The following TCP11 variants were observed in gnomAD, a reference collection of about 807,000 sequenced individuals.
The protein encoded by TCP11 is T-complex protein 11 homolog.
Under a neutral mutation model 45.0 loss-of-function variants are expected in TCP11, and 34 were observed. That is an observed-to-expected ratio of 0.76 (90% CI 0.57 to 1.01). The LOEUF is 1.01. TCP11 is among the 50% of genes least tolerant of loss of function. The pLI is 0.00. For synonymous variants in TCP11, 227 were observed against 227.0 expected, an observed-to-expected ratio of 1.00 and a Z score of 0.00; for missense variants, 523 against 598.1, an observed-to-expected ratio of 0.87 and a Z score of 1.31.
intron 4 of TCP11, chr6:35,128,194 C>G (rs974916848): frequency 6.6e-6 from 1 of 152,208 alleles, no homozygotes; most frequent in Admixed American, 6.5e-5. Context: ...GGAAACATGA[C>G]TGGGAAAGAT....
At chr6:35,123,487 A>C (rs1779500162) in intron 4 of TCP11, among the ~76,000 whole-genome samples, 1 of 151,906 alleles carries the variant, frequency 6.6e-6, no homozygotes, top group African/African-American at 2.4e-5. Flanking sequence ...GCCTTTTATA[A>C]TATTTTTTTT....
intron 4 of TCP11, among the ~76,000 whole-genome samples, chr6:35,128,096 C>A (rs1045064558): frequency 6.6e-6 from 1 of 152,160 alleles, no homozygotes; most frequent in East Asian, 1.9e-4. Context: ...TACTGTGGGT[C>A]AGAAGTACAG....
intron 4 of TCP11, among the ~76,000 whole-genome samples, chr6:35,127,391 A>T (rs969132849): frequency 6.6e-6 from 1 of 152,240 alleles, no homozygotes; most frequent in African/African-American, 2.4e-5. Flanking sequence ...AAAATGTCTC[A>T]GACTCTTTGG....
At chr6:35,126,023 A>G (rs1457723829) in intron 4 of TCP11, among the ~76,000 whole-genome samples, 1 of 152,214 alleles carries the variant, frequency 6.6e-6, no homozygotes, top group Non-Finnish European at 1.5e-5. Flanking sequence ...TTTAATGAGT[A>G]CAAAATTTCT....
intron 2 of TCP11, chr6:35,140,297 G>C (rs1781576709): frequency 8.3e-7 from 1 of 1,206,068 alleles, no homozygotes; most frequent in African/African-American, 1.5e-5. Flanking sequence ...AGAAGACCTT[G>C]TGCCCCAACA....
chr6:35,127,509 T>C lies in TCP11; in HGVS notation c.357+1553A>G, dbSNP rs932992428. ...AATGAATCGTGGAAGAAGGAAGCCA[T>C]AGATAACAACTATAGCCTTGTGACC... is the stretch of plus-strand genomic sequence containing the variant. On this transcript the variant is annotated intron_variant, in intron 4 of 9. Transcript: ENST00000311875. Among the ~76,000 whole-genome samples, 10 of 152,218 alleles carry C rather than the reference T, an allele frequency of 6.6e-5. 1 individual carries two copies. Among genetic ancestry groups the C allele is most frequent in the Admixed American group, 5.2e-4 (8 of 15,286 alleles).
intron 3 of TCP11, among the ~76,000 whole-genome samples, chr6:35,135,335 A>G (rs1051638994): frequency 2.0e-5 from 3 of 152,150 alleles, no homozygotes; most frequent in Non-Finnish European, 4.4e-5. Flanking sequence ...TATATAGTAC[A>G]TTATATATAG....
intron 2 of TCP11, among the ~76,000 whole-genome samples, chr6:35,139,676 C>T (rs553868767): frequency 1.3e-5 from 2 of 152,286 alleles, no homozygotes; most frequent in South Asian, 4.1e-4. Flanking sequence ...CCAACTACAA[C>T]AAATCAAAGT....
Position 35,122,188 on chromosome 6 carries a change from C to T in TCP11, c.507G>A (p.Leu169=). Reference sequence around the variant, plus strand: ...CTTCATCTCGAACTGGTGCACACAGCAAAGCCATCATGTTGAGAACGTACT... The same window carrying T: ...CTTCATCTCGAACTGGTGCACACAGTAAAGCCATCATGTTGAGAACGTACT... ...LSKYVLNMMA[L]LCAPVRDEAV... Residue 169 remains leucine, a synonymous_variant, in exon 5 of 10, where the codon TTG becomes TTA. Transcript: ENST00000311875. 6.2e-7 allele frequency: 1 copy of T among 1,614,198 alleles called. No individual in the cohort carries two copies. Among genetic ancestry groups the T allele is most frequent in the South Asian group, 1.1e-5 (1 of 91,086 alleles).
intron 4 of TCP11, among the ~76,000 whole-genome samples, chr6:35,124,768 G>A (rs1407441161): frequency 6.6e-6 from 1 of 151,918 alleles, no homozygotes; most frequent in African/African-American, 2.4e-5. Context: ...AATGGTGCTG[G>A]GAAAACAGGA....
At chr6:35,133,152 C>T (rs1780642965) in intron 3 of TCP11, among the ~76,000 whole-genome samples, 1 of 151,952 alleles carries the variant, frequency 6.6e-6, no homozygotes, top group Non-Finnish European at 1.5e-5. Context: ...TTTTTCTTTT[C>T]TCAGCCTCAT....
chr6:35,122,363 GT>G, intron 4 of TCP11, 26 bp from the exon 5 acceptor site: 1 of 1,609,806 alleles, frequency 6.2e-7, no homozygotes, highest in Non-Finnish European at 8.5e-7. Context: ...AGTCAAAGGA[GT>G]TGATCTGTTT....
chr6:35,119,174 G>C, intron 9 of TCP11, 54 bp downstream of exon 9: 1 of 1,595,662 alleles, frequency 6.3e-7, no homozygotes, highest in Admixed American at 1.7e-5. Context: ...GGGGTTCCAC[G>C]GTTGGGATCT....
At chr6:35,123,522 T>C (rs1049921051) in intron 4 of TCP11, among the ~76,000 whole-genome samples, 2 of 152,136 alleles carry the variant, frequency 1.3e-5, no homozygotes, top group Admixed American at 1.3e-4. Context: ...TTTCAATCTG[T>C]TGCTCAGGCT....
At chr6:35,123,663 T>C (rs1386552207) in intron 4 of TCP11, among the ~76,000 whole-genome samples, 1 of 150,050 alleles carries the variant, frequency 6.7e-6, no homozygotes, top group Non-Finnish European at 1.5e-5. Flanking sequence ...TTTTTTTTTT[T>C]TTTTTGGAGA....
intron 4 of TCP11, 25 bp downstream of exon 4, chr6:35,129,037 C>T: frequency 6.2e-7 from 1 of 1,610,424 alleles, no homozygotes; most frequent in South Asian, 1.1e-5. Context: ...AGAAACTTTA[C>T]ATTTACAAAT....
chr6:35,133,162 T>A (rs1169743301), intron 3 of TCP11, among the ~76,000 whole-genome samples: 1 of 152,162 alleles, frequency 6.6e-6, no homozygotes, highest in Non-Finnish European at 1.5e-5. Context: ...CTCAGCCTCA[T>A]CTGTGATACA....
Position 35,136,194 on chromosome 6 carries a change from T to A in TCP11, c.149A>T (p.Glu50Val). The change falls in exon 3 of 10, where the codon GAA (glutamate) becomes GTA (valine). Residue 50 changes from glutamate to valine, a missense_variant. Glu to Val is a moderately radical substitution (Grantham distance 121). Transcript: ENST00000311875. ...CAGCTTGGAAACTTCATTAACGGTT[T>A]CTGTCAGACCTGTGACAGAAAGAAC... The part of the protein sequence containing the change: ...PPFLSVTGLT[E>V]TVNEVSKLSN... 6.2e-7 allele frequency: 1 copy of A among 1,613,430 alleles called. No homozygotes were observed. Among genetic ancestry groups the A allele is most frequent in the Non-Finnish European group, 8.5e-7 (1 of 1,179,764 alleles).
chr6:35,138,874 C>T (rs1581858000), intron 2 of TCP11, among the ~76,000 whole-genome samples: 1 of 151,984 alleles, frequency 6.6e-6, no homozygotes, highest in African/African-American at 2.4e-5. Flanking sequence ...CTACTATGTA[C>T]CCACAAAAAT....
Sources: gnomAD v4.1 joint callset for allele counts (sites outside exome capture counted in the v4.1 genomes callset) on GRCh38, gnomAD v4.1.1 for gene constraint, MANE v1.5 for transcripts, NCBI Gene and HGNC (gene_info 2026-07-23, HGNC 2026-07-21) for gene names.